TMPRSS3: variants seen among roughly 807,000 people sequenced by gnomAD.
TMPRSS3 encodes transmembrane protease serine 3.
In TMPRSS3, 55 loss-of-function variants were observed where a neutral mutation model predicts 59.6. The observed-to-expected ratio is 0.92, with a 90% CI of 0.74 to 1.16. The LOEUF (loss-of-function observed/expected upper bound fraction) is 1.16, where lower values mean the gene tolerates loss of function less well. Among genes scored for constraint, TMPRSS3 ranks in the 50% most tolerant of loss-of-function variants. The probability of loss-of-function intolerance (pLI) is 0.00; values close to 1 mark genes in which losing one functional copy is unlikely to be tolerated. For missense variants in TMPRSS3, 596 were observed against 579.4 expected, an observed-to-expected ratio of 1.03 and a Z score of -0.29; for synonymous variants, 257 against 237.7, an observed-to-expected ratio of 1.08 and a Z score of -0.75.
At chr21:42,385,079 CTTTT>C (rs1417189371) in intron 6 of TMPRSS3, among the ~76,000 whole-genome samples, 18 of 116,700 alleles carry the variant, frequency 1.5e-4, no homozygotes, top group South Asian at 3.0e-4. Flanking sequence ...CTCCCTTCCT[CTTTT>C]CCTCCCCACC....
chr21:42,388,948 C>G lies in TMPRSS3; in HGVS notation c.303G>C (p.Gly101=), dbSNP rs1568889149. The change falls in exon 4 of 13, where the codon GGG becomes GGC. Residue 101 remains glycine (G), a synonymous_variant. Transcript: ENST00000644384. The surrounding 1 kb of genome is among the most constrained non-coding windows in gnomAD (Gnocchi z 5.1). ...RCDGVSDCKD[G]EDEYRCVRVG... ...CCTTACCACAGCGGTACTCGTCCTC[C>G]CCGTCTTTGCAATCCGAGACTCCGT... The G allele has an allele frequency of 6.2e-7, 1 of 1,614,084 alleles. No individual in the cohort carries two copies. Among genetic ancestry groups the G allele is most frequent in the Non-Finnish European group, 8.5e-7 (1 of 1,180,016 alleles).
At chr21:42,395,576 C>T (rs1235664197) in intron 1 of TMPRSS3, 108 bp from the exon 2 acceptor site, 13 of 709,924 alleles carry the variant, frequency 1.8e-5, no homozygotes, top group East Asian at 2.8e-5. Context: ...CCACACAAAG[C>T]GCATTCAGTA....
chr21:42,379,987 A>G, intron 10 of TMPRSS3, 130 bp downstream of exon 10: 1 of 755,212 alleles, frequency 1.3e-6, no homozygotes, highest in Admixed American at 2.0e-5. Flanking sequence ...CGAGCAGCTG[A>G]CATGCACTCC....
At chr21:42,395,510 T>C in intron 1 of TMPRSS3, 42 bp from the exon 2 acceptor site, 7 of 1,090,214 alleles carry the variant, frequency 6.4e-6, no homozygotes, top group Non-Finnish European at 9.8e-6. Context: ...CCCCTATTTA[T>C]ACTTGTAGCA....
chr21:42,376,019 AC>A, intron 11 of TMPRSS3, 151 bp from the exon 12 acceptor site: 1 of 1,021,892 alleles, frequency 9.8e-7, no homozygotes, highest in South Asian at 1.4e-5. Context: ...ACAGAAGGGA[AC>A]CCACCAGCCC....
intron 5 of TMPRSS3, among the ~76,000 whole-genome samples, chr21:42,386,212 C>G (rs1317941426): frequency 6.6e-6 from 1 of 152,162 alleles, no homozygotes; most frequent in East Asian, 1.9e-4. Context: ...GTTCTCCTTC[C>G]CTTGTGAAAT....
chr21:42,379,485 G>A (rs935755206), intron 10 of TMPRSS3, among the ~76,000 whole-genome samples: 4 of 152,158 alleles, frequency 2.6e-5, no homozygotes, highest in Non-Finnish European at 5.9e-5. Context: ...TTTAAGCCAC[G>A]CAGACTGTGA....
chr21:42,382,242 G>A lies in TMPRSS3; in HGVS notation c.783-8C>T, dbSNP rs1211257098. The A allele has an allele frequency of 8.1e-6, 13 of 1,613,748 alleles. No homozygotes were observed. Among genetic ancestry groups the A allele is most frequent in the East Asian group, 2.2e-5 (1 of 44,884 alleles). ...GACTTGGGGAGGTACAAGCTGAAATGAGAAGAGCAAGAGGTGAAGCACAGG... is the reference window on the plus strand; with the variant it reads ...GACTTGGGGAGGTACAAGCTGAAATAAGAAGAGCAAGAGGTGAAGCACAGG... On this transcript the variant is annotated splice_polypyrimidine_tract_variant and splice_region_variant and intron_variant, in intron 8 of 12. Transcript: ENST00000644384.
intron 5 of TMPRSS3, among the ~76,000 whole-genome samples, chr21:42,387,017 G>A (rs2052645137): frequency 6.6e-6 from 1 of 152,130 alleles, no homozygotes; most frequent in Admixed American, 6.5e-5. Context: ...GGATTTCCTT[G>A]TAGAGGGAGC....
chr21:42,378,226 G>C (rs1377013608), intron 10 of TMPRSS3, among the ~76,000 whole-genome samples: 1 of 152,246 alleles, frequency 6.6e-6, no homozygotes, highest in Non-Finnish European at 1.5e-5. Context: ...GCCAGTGGGT[G>C]GGGGGTAAGT....
At chr21:42,393,302 A>C (rs1302165071) in intron 2 of TMPRSS3, among the ~76,000 whole-genome samples, 2 of 152,222 alleles carry the variant, frequency 1.3e-5, no homozygotes, top group African/African-American at 2.4e-5. Context: ...AATGCAAATG[A>C]GACATAACTA....
chr21:42,393,511 C>G (rs1046774660), intron 2 of TMPRSS3, among the ~76,000 whole-genome samples: 2 of 152,050 alleles, frequency 1.3e-5, no homozygotes, highest in African/African-American at 4.8e-5. Context: ...ACGCAAATAT[C>G]GACCCCCAAG....
At chr21:42,373,181 A>T (rs2052364069) in intron 12 of TMPRSS3, among the ~76,000 whole-genome samples, 1 of 152,168 alleles carries the variant, frequency 6.6e-6, no homozygotes, top group Non-Finnish European at 1.5e-5. Flanking sequence ...ACTTCCCCGC[A>T]AGACAGTGAG....
At chr21:42,381,710 C>A (rs951626552) in intron 9 of TMPRSS3, among the ~76,000 whole-genome samples, 3 of 152,204 alleles carry the variant, frequency 2.0e-5, no homozygotes, top group Non-Finnish European at 4.4e-5. Context: ...AACTACAGCC[C>A]ACCAATCTAC....
At chr21:42,377,781 C>T (rs2052455778) in intron 10 of TMPRSS3, among the ~76,000 whole-genome samples, 2 of 152,226 alleles carry the variant, frequency 1.3e-5, no homozygotes, top group Admixed American at 1.3e-4. Flanking sequence ...CACTCAGCTT[C>T]CTGCCCGGAA....
intron 6 of TMPRSS3, among the ~76,000 whole-genome samples, chr21:42,384,415 C>T (rs2052590551): frequency 6.6e-6 from 1 of 152,152 alleles, no homozygotes; most frequent in Non-Finnish European, 1.5e-5. Flanking sequence ...CTCTAGGACT[C>T]CTTGTAGCCT....
At chr21:42,392,977 A>G (rs2146457618) in intron 2 of TMPRSS3, among the ~76,000 whole-genome samples, 1 of 152,350 alleles carries the variant, frequency 6.6e-6, no homozygotes, top group South Asian at 2.1e-4. Context: ...TAAACAATGA[A>G]ATGTACAGCA....
intron 10 of TMPRSS3, among the ~76,000 whole-genome samples, chr21:42,377,723 T>G (rs1047326476): frequency 3.9e-5 from 6 of 152,116 alleles, no homozygotes; most frequent in African/African-American, 1.4e-4. Flanking sequence ...AATCACACAA[T>G]GACAGGACCC....
intron 2 of TMPRSS3, among the ~76,000 whole-genome samples, chr21:42,394,463 T>C (rs2052775190): frequency 6.6e-6 from 1 of 152,204 alleles, no homozygotes; most frequent in Non-Finnish European, 1.5e-5. Flanking sequence ...CAGGTAAGTT[T>C]TGGGAGTCAG....
Sources: allele counts gnomAD v4.1 joint callset (sites outside exome capture counted in the v4.1 genomes callset), GRCh38; gene constraint gnomAD v4.1.1; non-coding constraint Gnocchi (gnomAD v3.1); transcripts MANE v1.5; gene names NCBI Gene and HGNC (gene_info 2026-07-23, HGNC 2026-07-21).